The following MYLK4 variants were observed in gnomAD, a reference collection of about 807,000 sequenced individuals.
MYLK4 encodes the protein caMLCK like.
A neutral mutation model predicts 48.1 loss-of-function variants in MYLK4; 46 were observed. The observed-to-expected ratio is 0.96, with a 90% CI of 0.75 to 1.22. The LOEUF is 1.22. Ranked by LOEUF, MYLK4 falls within the 50% of genes most tolerant of loss-of-function variation. The pLI is 0.00. For synonymous variants in MYLK4, 170 were observed against 180.8 expected (o/e 0.94, Z 0.48); for missense variants, 451 against 486.1 (o/e 0.93, Z 0.68).
At chr6:2,769,158 A>T in the MYLK4 span, among the ~76,000 whole-genome samples, 1 of 152,240 alleles carries the variant, frequency 6.6e-6, no homozygotes, top group Non-Finnish European at 1.5e-5. Context: ...AGTTTTAGGA[A>T]TTTTTAATCT....
At chr6:2,766,581 G>T in the MYLK4 span, 3 of 1,377,944 alleles carry the variant, frequency 2.2e-6, no homozygotes, top group Admixed American at 3.0e-5. Context: ...CTTGGGCTGG[G>T]CTGGGGCAGT....
At chr6:2,692,016 G>A (rs1010191128) in intron 3 of MYLK4, among the ~76,000 whole-genome samples, 5 of 152,264 alleles carry the variant, frequency 3.3e-5, no homozygotes, top group East Asian at 3.9e-4. Context: ...TTTGATACAC[G>A]TATTGATTTT....
At chr6:2,712,900 C>T (rs992534699) in intron 2 of MYLK4, among the ~76,000 whole-genome samples, 6 of 152,214 alleles carry the variant, frequency 3.9e-5, no homozygotes, top group African/African-American at 1.2e-4. Flanking sequence ...GACTGATCTA[C>T]AGCCAGGATG....
intron 2 of MYLK4, among the ~76,000 whole-genome samples, chr6:2,699,901 C>A (rs181779929): frequency 6.6e-4 from 100 of 152,230 alleles, no homozygotes; most frequent in Admixed American, 3.7e-3. Context: ...CAAATTATTA[C>A]AAATATTCTC....
rs1004733187 is a variant in MYLK4, at chr6:2,683,086, T to C, written c.622A>G (p.Met208Val). 1.2e-6 allele frequency: 2 copies of C among 1,614,034 alleles called. No individual in the cohort carries two copies. Among genetic ancestry groups the C allele is most frequent in the Non-Finnish European group, 1.7e-6 (2 of 1,180,026 alleles). Residue 208 changes from methionine to valine, a missense_variant, in exon 7 of 13, where the codon ATG becomes GTG. Transcript: ENST00000274643. ...NLTELDTILF[M>V]KQICEGIRHM... ...CTTATCCCCTCACATATCTGCTTCA[T>C]GAACAGGATGGTATCAAGCTCCGTC...
intron 2 of MYLK4, among the ~76,000 whole-genome samples, chr6:2,704,047 C>T (rs1400815588): frequency 1.3e-5 from 2 of 152,314 alleles, no homozygotes; most frequent in South Asian, 2.1e-4. Context: ...GGATTTATCA[C>T]ACTGTGTTGA....
intron 7 of MYLK4, among the ~76,000 whole-genome samples, chr6:2,681,322 A>G (rs748100706): frequency 2.6e-5 from 4 of 152,330 alleles, no homozygotes; most frequent in African/African-American, 4.8e-5. Context: ...TCAATATTCA[A>G]TAGTACATTT....
chr6:2,677,939 G>A (rs1290037024), intron 10 of MYLK4, among the ~76,000 whole-genome samples: 1 of 152,192 alleles, frequency 6.6e-6, no homozygotes, highest in Non-Finnish European at 1.5e-5. Context: ...CTTCTCCCAA[G>A]CCTTCCATTT....
intron 6 of MYLK4, among the ~76,000 whole-genome samples, chr6:2,683,417 G>T (rs2113130100): frequency 7.0e-6 from 1 of 142,532 alleles, no homozygotes; most frequent in Middle Eastern, 4.1e-3. Flanking sequence ...GTGTGTGTGT[G>T]TGTGTGTGTG....
At chr6:2,726,633 A>C (rs1436798822) in intron 2 of MYLK4, among the ~76,000 whole-genome samples, 3 of 130,838 alleles carry the variant, frequency 2.3e-5, no homozygotes, top group African/African-American at 8.6e-5. Flanking sequence ...TTTTTTTGAG[A>C]CAGAGTTTTG....
chr6:2,751,779 T>C (rs1582136928), upstream of MYLK4, among the ~76,000 whole-genome samples: 1 of 152,344 alleles, frequency 6.6e-6, no homozygotes, highest in African/African-American at 2.4e-5. Flanking sequence ...ATGCATTCCA[T>C]GTGAAATAAA....
the MYLK4 span, chr6:2,765,913 G>A: frequency 1.5e-5 from 22 of 1,455,536 alleles, 1 homozygote; most frequent in South Asian, 2.4e-4. Context: ...GCGAGGGTGA[G>A]GAGGGCGACG....
intron 2 of MYLK4, among the ~76,000 whole-genome samples, chr6:2,731,244 C>A (rs1302156465): frequency 6.8e-6 from 1 of 147,396 alleles, no homozygotes; most frequent in East Asian, 2.0e-4. Flanking sequence ...CTAGAATGAA[C>A]TTTTAGGGGT....
At chr6:2,737,182 G>C (rs9405583) in intron 2 of MYLK4, among the ~76,000 whole-genome samples, 4 of 152,036 alleles carry the variant, frequency 2.6e-5, no homozygotes, top group East Asian at 1.9e-4. Flanking sequence ...GCGTGGTGGC[G>C]CCCGCCTGTA....
At chr6:2,690,080 T>G (rs1039499765) in intron 3 of MYLK4, among the ~76,000 whole-genome samples, 27 of 152,162 alleles carry the variant, frequency 1.8e-4, no homozygotes, top group Admixed American at 4.6e-4. Context: ...TGAAATTTAG[T>G]CTGTAATGCT....
At chr6:2,745,138 A>G (rs11759003) in intron 2 of MYLK4, among the ~76,000 whole-genome samples, 87,050 of 152,014 alleles carry the variant, frequency 0.57, 27,333 homozygotes, top group East Asian at 0.98. Context: ...AGTGAGAAGC[A>G]CGCAGGGCCG....
chr6:2,669,787 T>C (rs1382785086), intron 12 of MYLK4, among the ~76,000 whole-genome samples: 2 of 152,210 alleles, frequency 1.3e-5, no homozygotes, highest in Admixed American at 1.3e-4. Flanking sequence ...GACTTTCATG[T>C]CCTTGCTGTT....
At chr6:2,698,964 C>T in intron 2 of MYLK4, among the ~76,000 whole-genome samples, 1 of 152,208 alleles carries the variant, frequency 6.6e-6, no homozygotes, top group Non-Finnish European at 1.5e-5. Context: ...CACCTGTTCT[C>T]AGAACTCAGT....
chr6:2,690,445 C>T (rs1023831582), intron 3 of MYLK4, among the ~76,000 whole-genome samples: 1 of 152,144 alleles, frequency 6.6e-6, no homozygotes, highest in Admixed American at 6.5e-5. Context: ...GCTGACACAC[C>T]TGGGAAGTAA....
Sources: allele counts gnomAD v4.1 joint callset (sites outside exome capture counted in the v4.1 genomes callset), GRCh38; gene constraint gnomAD v4.1.1; transcripts MANE v1.5; gene names NCBI Gene and HGNC (gene_info 2026-07-23, HGNC 2026-07-21).